The following PTPRD variants were observed in gnomAD, a reference collection of about 807,000 sequenced individuals.
PTPRD encodes protein tyrosine phosphatase receptor type D.
In PTPRD, 34 loss-of-function variants were observed where a neutral mutation model predicts 214.5. The ratio of observed to expected loss-of-function variants is 0.16; its 90% CI spans 0.12 to 0.21. PTPRD has a LOEUF of 0.21. Ranked by LOEUF, PTPRD falls within the 10% of genes least tolerant of loss-of-function variation. PTPRD has a pLI of 1.00. For synonymous variants in PTPRD, 1,128 were observed against 845.7 expected (o/e 1.33, Z -5.79); for missense variants, 2,545 against 2,398.7 (o/e 1.06, Z -1.27).
chr9:9,709,209 A>G (rs1002132084), intron 7 of PTPRD, among the ~76,000 whole-genome samples: 1 of 151,990 alleles, frequency 6.6e-6, no homozygotes, highest in Non-Finnish European at 1.5e-5. Flanking sequence ...ATTTTCTTAC[A>G]ACTTTCTATA....
intron 14 of PTPRD, among the ~76,000 whole-genome samples, chr9:8,594,387 T>A (rs919184078): frequency 6.6e-6 from 1 of 152,124 alleles, no homozygotes; most frequent in Admixed American, 6.5e-5. Flanking sequence ...CTGTAATCAT[T>A]CTCTAATATT....
chr9:9,743,313 T>C (rs1044812699), intron 6 of PTPRD, among the ~76,000 whole-genome samples: 1 of 152,318 alleles, frequency 6.6e-6, no homozygotes, highest in East Asian at 1.9e-4. Flanking sequence ...CAAGAGTCTG[T>C]GTTCTGACTT....
At chr9:10,259,448 G>T (rs73641897) in intron 3 of PTPRD, among the ~76,000 whole-genome samples, 528 of 152,202 alleles carry the variant, frequency 3.5e-3, no homozygotes, top group African/African-American at 0.012. Context: ...TTATACAAAG[G>T]CCCCAAAGGC....
At chr9:8,551,908 A>G (rs1387212222) in intron 14 of PTPRD, among the ~76,000 whole-genome samples, 1 of 152,228 alleles carries the variant, frequency 6.6e-6, no homozygotes, top group Admixed American at 6.5e-5. Context: ...TAAAGAATGG[A>G]CCATGTGTTG....
chr9:9,627,558 G>T (rs1272477282), intron 7 of PTPRD, among the ~76,000 whole-genome samples: 2 of 152,158 alleles, frequency 1.3e-5, no homozygotes, highest in Non-Finnish European at 2.9e-5. Flanking sequence ...GGGCTGGAGG[G>T]TGAGGTAACG....
intron 12 of PTPRD, among the ~76,000 whole-genome samples, chr9:8,730,841 G>A (rs116861518): frequency 9.7e-4 from 148 of 152,302 alleles, no homozygotes; most frequent in South Asian, 5.6e-3. Flanking sequence ...TACTCATGCT[G>A]CTCGAACAGA....
At chr9:9,481,002 G>A (rs1301608692) in intron 8 of PTPRD, among the ~76,000 whole-genome samples, 1 of 152,152 alleles carries the variant, frequency 6.6e-6, no homozygotes, top group African/African-American at 2.4e-5. Context: ...ATCTGTTGAA[G>A]ACATGTAATA....
intron 7 of PTPRD, among the ~76,000 whole-genome samples, chr9:9,626,520 G>A (rs1468462092): frequency 6.6e-6 from 1 of 152,078 alleles, no homozygotes; most frequent in Non-Finnish European, 1.5e-5. Flanking sequence ...ACTTTTAGTT[G>A]AATGATTTGA....
At chr9:8,523,399 T>C (rs1050425814) in intron 19 of PTPRD, 114 bp downstream of exon 19, 10 of 1,280,704 alleles carry the variant, frequency 7.8e-6, no homozygotes, top group South Asian at 1.3e-5. Context: ...TGCTAAAACA[T>C]ACCATTAACC....
chr9:10,246,801 G>T (rs928927009), intron 3 of PTPRD, among the ~76,000 whole-genome samples: 2 of 151,804 alleles, frequency 1.3e-5, no homozygotes, highest in African/African-American at 2.4e-5. Context: ...GGCTGAGGCA[G>T]GAGAATCGCT....
chr9:10,129,544 G>A (rs1449160373), intron 3 of PTPRD, among the ~76,000 whole-genome samples: 1 of 126,124 alleles, frequency 7.9e-6, no homozygotes, highest in Non-Finnish European at 1.6e-5. Flanking sequence ...TCTTTTCTTG[G>A]TTCCTTCTCC....
chr9:9,443,073 A>C (rs918374779), intron 8 of PTPRD, among the ~76,000 whole-genome samples: 14 of 152,190 alleles, frequency 9.2e-5, no homozygotes, highest in African/African-American at 3.4e-4. Flanking sequence ...AGAATTATGC[A>C]ACAAAATCTG....
intron 8 of PTPRD, among the ~76,000 whole-genome samples, chr9:9,558,736 G>A (rs891070650): frequency 6.6e-6 from 1 of 152,276 alleles, no homozygotes; most frequent in East Asian, 1.9e-4. Context: ...TAAACCATAT[G>A]TTATCAGTAC....
chr9:9,902,424 C>G (rs1461974646), intron 5 of PTPRD, among the ~76,000 whole-genome samples: 2 of 152,068 alleles, frequency 1.3e-5, no homozygotes, highest in Non-Finnish European at 2.9e-5. Context: ...CGGTGCTCTA[C>G]TTTTGAATAA....
At chr9:10,610,179 A>T (rs184355780) in intron 2 of PTPRD, among the ~76,000 whole-genome samples, 97 of 152,254 alleles carry the variant, frequency 6.4e-4, no homozygotes, top group African/African-American at 2.3e-3. Flanking sequence ...TGACAATTTA[A>T]TCACCCATCC....
intron 2 of PTPRD, among the ~76,000 whole-genome samples, chr9:10,364,724 G>C (rs2097480807): frequency 2.0e-5 from 3 of 152,102 alleles, no homozygotes; most frequent in Admixed American, 6.6e-5. Context: ...GTGGGGCATG[G>C]TCTTTCTTCT....
chr9:8,875,468 A>C (rs1368765618), intron 11 of PTPRD, among the ~76,000 whole-genome samples: 1 of 152,196 alleles, frequency 6.6e-6, no homozygotes, highest in African/African-American at 2.4e-5. Context: ...CAAGACTAGC[A>C]GAATAACATT....
At chr9:9,867,501 A>G (rs1249776725) in intron 5 of PTPRD, among the ~76,000 whole-genome samples, 1 of 152,124 alleles carries the variant, frequency 6.6e-6, no homozygotes. Flanking sequence ...TTGCTTCTAT[A>G]AATAATATTA....
chr9:9,131,609 A>C (rs2099842722), intron 10 of PTPRD, among the ~76,000 whole-genome samples: 1 of 152,210 alleles, frequency 6.6e-6, no homozygotes, highest in African/African-American at 2.4e-5. Context: ...TACACATAGT[A>C]ATAGTTACTT....
Sources: allele counts gnomAD v4.1 joint callset (sites outside exome capture counted in the v4.1 genomes callset), GRCh38; gene constraint gnomAD v4.1.1; transcripts MANE v1.5; gene names NCBI Gene and HGNC (gene_info 2026-07-23, HGNC 2026-07-21).